EYA2: variants seen among roughly 807,000 people sequenced by gnomAD.
EYA2 encodes EYA transcriptional coactivator and phosphatase 2, also known as protein phosphatase EYA2.
In EYA2, 31 loss-of-function variants were observed where a neutral mutation model predicts 69.2. The observed-to-expected ratio is 0.45, with a 90% CI of 0.34 to 0.60. The LOEUF (loss-of-function observed/expected upper bound fraction) is 0.60. EYA2 is among the 20% of genes least tolerant of loss of function. The pLI, the probability that EYA2 is intolerant of heterozygous loss-of-function variation, is 0.02. For synonymous variants in EYA2, 257 were observed against 279.4 expected, an observed-to-expected ratio of 0.92 and a Z score of 0.80; for missense variants, 622 against 701.2, an observed-to-expected ratio of 0.89 and a Z score of 1.28.
intron 9 of EYA2, among the ~76,000 whole-genome samples, chr20:47,127,961 A>G (rs1325516000): frequency 6.6e-6 from 1 of 152,186 alleles, no homozygotes; most frequent in Non-Finnish European, 1.5e-5. Flanking sequence ...TTATCTTTGG[A>G]TATGTTGCAT....
intron 4 of EYA2, among the ~76,000 whole-genome samples, chr20:47,010,258 G>A (rs759074854): frequency 1.3e-5 from 2 of 152,184 alleles, no homozygotes; most frequent in Non-Finnish European, 2.9e-5. Flanking sequence ...AAATAACACT[G>A]ACGTATTATT....
chr20:47,130,410 G>A (rs1039670980), intron 9 of EYA2, among the ~76,000 whole-genome samples: 19 of 150,296 alleles, frequency 1.3e-4, no homozygotes, highest in Non-Finnish European at 1.9e-4. Flanking sequence ...GACTACAGGC[G>A]CCCGCCATCA....
chr20:47,070,890 G>A (rs1206812), intron 5 of EYA2, among the ~76,000 whole-genome samples: 15,572 of 151,868 alleles, frequency 0.1, 1,585 homozygotes, highest in African/African-American at 0.27. Flanking sequence ...GCCGTGTTGC[G>A]CAGGCTGGAG....
chr20:47,144,336 C>T (rs1312814497), intron 10 of EYA2, among the ~76,000 whole-genome samples: 1 of 136,604 alleles, frequency 7.3e-6, no homozygotes, highest in Non-Finnish European at 1.5e-5. Context: ...AGCCTGGCAA[C>T]AGAGCAAGAC....
intron 9 of EYA2, among the ~76,000 whole-genome samples, chr20:47,141,985 C>T (rs989379463): frequency 3.3e-5 from 5 of 152,152 alleles, no homozygotes; most frequent in African/African-American, 9.7e-5. Context: ...CCCCATCACA[C>T]ATATGCAAAC....
chr20:46,957,560 C>A (rs1979205972), intron 1 of EYA2, among the ~76,000 whole-genome samples: 1 of 150,696 alleles, frequency 6.6e-6, no homozygotes. Context: ...CACACACACA[C>A]ACACACACAC....
intron 5 of EYA2, among the ~76,000 whole-genome samples, chr20:47,017,301 G>A (rs1309741018): frequency 6.6e-6 from 1 of 152,116 alleles, no homozygotes; most frequent in Non-Finnish European, 1.5e-5. Flanking sequence ...ATAAGATGGT[G>A]GGCTGATGTG....
At chr20:47,175,380 TTCCA>T (rs1389662049) in intron 12 of EYA2, among the ~76,000 whole-genome samples, 1 of 152,238 alleles carries the variant, frequency 6.6e-6, no homozygotes, top group Non-Finnish European at 1.5e-5. Flanking sequence ...GATGTCATCC[TTCCA>T]TCTACCACTT....
intron 12 of EYA2, among the ~76,000 whole-genome samples, 174 bp downstream of exon 12, chr20:47,173,041 C>T (rs958134493): frequency 6.6e-6 from 1 of 152,164 alleles, no homozygotes; most frequent in Non-Finnish European, 1.5e-5. Flanking sequence ...TTGTCACCTT[C>T]ACTTTGGGGG....
chr20:47,027,419 A>G (rs2146391254), intron 5 of EYA2, among the ~76,000 whole-genome samples: 1 of 152,298 alleles, frequency 6.6e-6, no homozygotes, highest in South Asian at 2.1e-4. Context: ...AAGTTTCCCC[A>G]TGCATGTCAG....
chr20:47,080,739 A>C (rs570197452), intron 7 of EYA2, among the ~76,000 whole-genome samples: 1 of 152,252 alleles, frequency 6.6e-6, no homozygotes, highest in Admixed American at 6.5e-5. Context: ...GGCTGAAAAA[A>C]AGGAGAAGCA....
chr20:47,106,607 G>A (rs372360318), intron 9 of EYA2, among the ~76,000 whole-genome samples: 2 of 152,138 alleles, frequency 1.3e-5, no homozygotes, highest in African/African-American at 4.8e-5. Flanking sequence ...GTCCCTAGGG[G>A]TGCTTCAGGT....
chr20:47,146,435 G>A (rs1020298957), intron 10 of EYA2, among the ~76,000 whole-genome samples: 3 of 152,170 alleles, frequency 2.0e-5, no homozygotes, highest in Non-Finnish European at 2.9e-5. Context: ...CCCTGAAGTC[G>A]AAGTTGCACC....
At chr20:47,054,141 C>T (rs1473439055) in intron 5 of EYA2, among the ~76,000 whole-genome samples, 1 of 151,990 alleles carries the variant, frequency 6.6e-6, no homozygotes, top group East Asian at 1.9e-4. Context: ...TTGAGAAAAC[C>T]TAAGTTGTCT....
At chr20:46,904,879 A>G (rs1984280411) in intron 1 of EYA2, among the ~76,000 whole-genome samples, 1 of 152,180 alleles carries the variant, frequency 6.6e-6, no homozygotes, top group African/African-American at 2.4e-5. Flanking sequence ...TCCTAGGTTC[A>G]AGTCCTAGTT....
intron 10 of EYA2, among the ~76,000 whole-genome samples, chr20:47,156,994 C>T (rs6018307): frequency 0.59 from 90,232 of 151,684 alleles, 28,082 homozygotes; most frequent in African/African-American, 0.77. Context: ...GTCACCAGCT[C>T]AATCAGAACA....
intron 4 of EYA2, among the ~76,000 whole-genome samples, chr20:47,010,830 C>G (rs1487170862): frequency 6.7e-6 from 1 of 149,054 alleles, no homozygotes; most frequent in African/African-American, 2.5e-5. Context: ...CTGTGTCTCC[C>G]AGGTTGGAGT....
intron 5 of EYA2, among the ~76,000 whole-genome samples, chr20:47,057,019 C>G (rs1331382729): frequency 7.5e-6 from 1 of 133,326 alleles, no homozygotes; most frequent in Non-Finnish European, 1.5e-5. Context: ...ACACTCCAGC[C>G]TGGGTGACAG....
chr20:46,939,407 G>A (rs77156360), intron 1 of EYA2, among the ~76,000 whole-genome samples: 1 of 151,994 alleles, frequency 6.6e-6, no homozygotes, highest in African/African-American at 2.4e-5. Context: ...ATGGGGGGAG[G>A]GGAGACAAAG....
Sources: allele counts gnomAD v4.1 joint callset (sites outside exome capture counted in the v4.1 genomes callset), GRCh38; gene constraint gnomAD v4.1.1; transcripts MANE v1.5; gene names NCBI Gene and HGNC (gene_info 2026-07-23, HGNC 2026-07-21).